NEK4: variants seen among roughly 807,000 people sequenced by gnomAD.
The protein encoded by NEK4 is serine/threonine-protein kinase Nek4.
In NEK4, 86 loss-of-function variants were observed where a neutral mutation model predicts 98.4. That is an observed-to-expected ratio of 0.87 (90% CI 0.73 to 1.05). The LOEUF is 1.05. Ranked by LOEUF, NEK4 falls within the 50% of genes least tolerant of loss-of-function variation. The probability of loss-of-function intolerance (pLI) is 0.00; values close to 1 mark genes in which losing one functional copy is unlikely to be tolerated. For synonymous variants in NEK4, 328 were observed against 342.2 expected, an observed-to-expected ratio of 0.96 and a Z score of 0.46; for missense variants, 898 against 950.3, an observed-to-expected ratio of 0.94 and a Z score of 0.72.
At chr3:52,728,942 G>A (rs558648061) in intron 15 of NEK4, among the ~76,000 whole-genome samples, 1 of 152,202 alleles carries the variant, frequency 6.6e-6, no homozygotes, top group African/African-American at 2.4e-5. Flanking sequence ...ACTCCACCCT[G>A]GTAAATTTGT....
chr3:52,720,416 C>A (rs1353385272), intron 15 of NEK4, among the ~76,000 whole-genome samples: 1 of 152,046 alleles, frequency 6.6e-6, no homozygotes, highest in Admixed American at 6.6e-5. Flanking sequence ...TCTACATGTC[C>A]AAGAAGCTAA....
At chr3:52,724,897 T>A (rs1175993531) in intron 15 of NEK4, among the ~76,000 whole-genome samples, 2 of 152,234 alleles carry the variant, frequency 1.3e-5, no homozygotes, top group East Asian at 3.8e-4. Context: ...ATTGTATACA[T>A]ATATCAGAAC....
At chr3:52,751,780 T>C in intron 7 of NEK4, 152 bp downstream of exon 7, 1 of 746,206 alleles carries the variant, frequency 1.3e-6, no homozygotes. Flanking sequence ...GGGTACTGGG[T>C]TTCTTTTTGG....
At chr3:52,728,902 T>C (rs184362617) in intron 15 of NEK4, among the ~76,000 whole-genome samples, 33 of 152,276 alleles carry the variant, frequency 2.2e-4, no homozygotes, top group African/African-American at 7.2e-4. Context: ...TCTCCTGCAG[T>C]ACCCTCAGGC....
chr3:52,743,334 T>G lies in NEK4; in HGVS notation c.2004+18A>C, dbSNP rs1186480023. 2 of 1,590,952 alleles carry G rather than the reference T, an allele frequency of 1.3e-6. No homozygotes were observed. The highest frequency in any genetic ancestry group is 3.3e-5 in the Admixed American group (2 of 59,980). ...GATGTAGACTGTCCACCTTCTCTCT[T>G]AGGAGTACGTAATGCACCTGAGTGA... On this transcript the variant is annotated intron_variant, in intron 12 of 15. Transcript: ENST00000233027.
intron 15 of NEK4, among the ~76,000 whole-genome samples, chr3:52,729,784 T>C (rs2097367881): frequency 6.7e-6 from 1 of 149,276 alleles, no homozygotes; most frequent in Admixed American, 6.7e-5. Flanking sequence ...AATAAGAAAT[T>C]AAAATGGATA....
In NEK4 at chr3:52,766,449, C is replaced by T. The variant is rs942892865; in HGVS notation, c.361-74G>A. The T allele has an allele frequency of 7.5e-6, 8 of 1,063,050 alleles. No homozygotes were observed. The Admixed American group carries it at 1.3e-4, about 18-fold the overall frequency. 65.9% of individuals were successfully genotyped at this position (1,063,050 alleles called of 1,614,324 possible). On this transcript the variant is annotated intron_variant, in intron 2 of 15. Coordinates refer to ENST00000233027, the MANE Select transcript of NEK4 (RefSeq NM_003157.6). Reference sequence around the variant, plus strand: ...TATTTATTCCTGGCTTATTATATACCATCAGCAATGGCATGAGTTAGAGTC... The same window carrying T: ...TATTTATTCCTGGCTTATTATATACTATCAGCAATGGCATGAGTTAGAGTC...
At chr3:52,731,098 GA>G (rs1458625721) in intron 15 of NEK4, among the ~76,000 whole-genome samples, 1 of 152,066 alleles carries the variant, frequency 6.6e-6, no homozygotes, top group Non-Finnish European at 1.5e-5. Context: ...ATAACATATA[GA>G]AATGTAATAT....
intron 15 of NEK4, chr3:52,733,541 G>A: frequency 2.0e-6 from 1 of 499,874 alleles, no homozygotes; most frequent in South Asian, 1.5e-5. Context: ...CGTAATGAAT[G>A]TGGCAAGGTC....
intron 5 of NEK4, among the ~76,000 whole-genome samples, chr3:52,761,945 T>C (rs571727725): frequency 6.6e-6 from 1 of 152,346 alleles, no homozygotes; most frequent in African/African-American, 2.4e-5. Flanking sequence ...AAAACTGGGC[T>C]AAACCTCTGG....
Position 52,763,596 on chromosome 3 carries a change from G to C in NEK4, c.695C>G (p.Pro232Arg). The change falls in exon 5 of 16, where the codon CCA (proline) becomes CGA (arginine). Residue 232 changes from proline (P) to arginine (R), a missense_variant. Pro to Arg is a moderately radical substitution (Grantham distance 103). Transcript: ENST00000233027. Reference sequence around the variant, plus strand: ...TGTTCTTATCAGTTCTGCCAGCTCTGGGCTGTAATCTCTTGGCATTGGTGG... The same window carrying C: ...TGTTCTTATCAGTTCTGCCAGCTCTCGGCTGTAATCTCTTGGCATTGGTGG... ...KLPPMPRDYS[P>R]ELAELIRTML... 6.2e-7 allele frequency: 1 copy of C among 1,608,562 alleles called. No homozygotes were observed. The highest frequency in any genetic ancestry group is 8.5e-7 in the Non-Finnish European group (1 of 1,177,384).
intron 6 of NEK4, chr3:52,753,688 T>G (rs1170720585): frequency 1.7e-6 from 1 of 580,290 alleles, no homozygotes; most frequent in Non-Finnish European, 3.5e-6. Flanking sequence ...CTACGGAGCC[T>G]GTCCCAGCAG....
In NEK4 at chr3:52,768,599, GACATACTAAAA is replaced by G. The variant is rs1291603340; in HGVS notation, c.94-6_98del. On this transcript the variant is annotated splice_acceptor_variant and splice_polypyrimidine_tract_variant and coding_sequence_variant and intron_variant, in exon 2 of 16. Transcript: ENST00000233027. LOFTEE classifies it high-confidence loss of function. Reference sequence around the variant, plus strand: ...CATTTCGGAGGTTCAGTTTTTTGATGACATACTAAAAACAAACCATGTATTTTTACAATGTG... The same window carrying G: ...CATTTCGGAGGTTCAGTTTTTTGATGACAAACCATGTATTTTTACAATGTG... 16 of 1,613,444 alleles carry G rather than the reference GACATACTAAAA, an allele frequency of 9.9e-6. No individual in the cohort carries two copies. Among genetic ancestry groups the G allele is most frequent in the Non-Finnish European group, 1.2e-5 (14 of 1,179,682 alleles).
At chr3:52,734,155 C>G (rs985194136) in intron 15 of NEK4, among the ~76,000 whole-genome samples, 2 of 151,948 alleles carry the variant, frequency 1.3e-5, no homozygotes, top group East Asian at 3.9e-4. Flanking sequence ...GTCAAGAGAT[C>G]GAGACCACAG....
intron 6 of NEK4, among the ~76,000 whole-genome samples, chr3:52,759,641 T>C (rs1237573540): frequency 1.3e-5 from 2 of 152,070 alleles, no homozygotes; most frequent in Non-Finnish European, 2.9e-5. Flanking sequence ...GAATGTCAAA[T>C]GGTGCAGCCA....
chr3:52,726,668 G>A (rs2097364862), intron 15 of NEK4, among the ~76,000 whole-genome samples: 1 of 151,516 alleles, frequency 6.6e-6, no homozygotes, highest in Non-Finnish European at 1.5e-5. Context: ...AGAACTTTGG[G>A]AGGCTGAGGC....
chr3:52,740,363 A>T (rs1386128081), intron 13 of NEK4, among the ~76,000 whole-genome samples: 1 of 152,246 alleles, frequency 6.6e-6, no homozygotes, highest in Non-Finnish European at 1.5e-5. Context: ...CATTAAAAAA[A>T]GACCCAAATC....
intron 4 of NEK4, among the ~76,000 whole-genome samples, chr3:52,764,325 A>C (rs1286304064): frequency 1.1e-4 from 17 of 150,508 alleles, no homozygotes; most frequent in African/African-American, 3.9e-4. Flanking sequence ...GAAACTAGGC[A>C]GCAGGTTAAA....
chr3:52,741,594 C>T (rs562848927), intron 12 of NEK4, 95 bp from the exon 13 acceptor site: 16 of 724,954 alleles, frequency 2.2e-5, no homozygotes, highest in African/African-American at 8.8e-5. Flanking sequence ...AGACACAATA[C>T]GTTCCTAGGT....
Sources: allele counts gnomAD v4.1 joint callset (sites outside exome capture counted in the v4.1 genomes callset), GRCh38; gene constraint gnomAD v4.1.1; transcripts MANE v1.5; gene names NCBI Gene and HGNC (gene_info 2026-07-23, HGNC 2026-07-21).